MACROD2: variants seen among roughly 807,000 people sequenced by gnomAD.
The protein encoded by MACROD2 is mono-ADP ribosylhydrolase 2.
MACROD2 carries 36 observed loss-of-function variants against 70.4 expected under a neutral mutation model. The observed-to-expected ratio is 0.51, with a 90% CI of 0.39 to 0.68. The LOEUF is 0.68. MACROD2 is among the 30% of genes least tolerant of loss of function. MACROD2 has a pLI of 0.00. For missense variants in MACROD2, 496 were observed against 538.4 expected (o/e 0.92, Z 0.78); for synonymous variants, 172 against 178.8 (o/e 0.96, Z 0.30).
intron 5 of MACROD2, among the ~76,000 whole-genome samples, chr20:15,107,702 T>C (rs185307786): frequency 1.1e-4 from 17 of 152,320 alleles, no homozygotes; most frequent in Non-Finnish European, 2.1e-4. Flanking sequence ...GTTTTTTACT[T>C]CCTTGTTTCC....
At chr20:14,022,131 C>T (rs2053091471) in intron 2 of MACROD2, among the ~76,000 whole-genome samples, 1 of 152,110 alleles carries the variant, frequency 6.6e-6, no homozygotes, top group Non-Finnish European at 1.5e-5. Context: ...TAATTTAACC[C>T]ATATCAATTG....
intron 5 of MACROD2, among the ~76,000 whole-genome samples, chr20:14,789,621 A>G (rs2072424988): frequency 3.3e-5 from 5 of 151,458 alleles, no homozygotes; most frequent in Admixed American, 3.3e-4. Context: ...GATTACAGGA[A>G]GTAGCCACCA....
At chr20:14,526,753 G>GCATACAAACTGA (rs1373063497) in intron 4 of MACROD2, among the ~76,000 whole-genome samples, 1 of 152,206 alleles carries the variant, frequency 6.6e-6, no homozygotes, top group African/African-American at 2.4e-5. Context: ...CTCTAGGGGA[G>GCATACAAACTGA]CATACAAACT....
intron 6 of MACROD2, among the ~76,000 whole-genome samples, chr20:15,419,084 C>G (rs142656521): frequency 2.0e-5 from 3 of 152,090 alleles, no homozygotes; most frequent in African/African-American, 7.2e-5. Flanking sequence ...AGATTTATGA[C>G]GAAGTGGTCC....
intron 13 of MACROD2, among the ~76,000 whole-genome samples, chr20:15,979,970 G>T (rs576989722): frequency 6.6e-6 from 1 of 152,114 alleles, no homozygotes; most frequent in Admixed American, 6.5e-5. Flanking sequence ...CTTAAAATCC[G>T]AGCTCCCCGA....
chr20:14,438,252 C>A (rs2084081805), intron 3 of MACROD2, among the ~76,000 whole-genome samples: 1 of 152,128 alleles, frequency 6.6e-6, no homozygotes. Flanking sequence ...GGATCTCCTC[C>A]CTTCTTTAAG....
At chr20:15,433,441 T>C (rs1273777162) in intron 7 of MACROD2, among the ~76,000 whole-genome samples, 3 of 102,754 alleles carry the variant, frequency 2.9e-5, no homozygotes, top group African/African-American at 3.9e-5. Context: ...AGGAACTCAA[T>C]CCCTTTCACA....
intron 17 of MACROD2, among the ~76,000 whole-genome samples, chr20:16,049,318 A>T (rs1290571109): frequency 6.6e-6 from 1 of 152,196 alleles, no homozygotes; most frequent in Admixed American, 6.5e-5. Context: ...TCTAAAAAAA[A>T]TAAAGAGTAT....
chr20:14,629,283 A>G (rs910425591), intron 4 of MACROD2, among the ~76,000 whole-genome samples: 4 of 152,184 alleles, frequency 2.6e-5, no homozygotes, highest in African/African-American at 9.7e-5. Context: ...ATTCTTTCTC[A>G]CCCCTTGAAG....
At chr20:15,045,643 AC>A (rs1453701276) in intron 5 of MACROD2, among the ~76,000 whole-genome samples, 4 of 151,202 alleles carry the variant, frequency 2.6e-5, no homozygotes, top group Non-Finnish European at 4.4e-5. Flanking sequence ...GAGAAAGGCC[AC>A]CATTACCCAT....
intron 3 of MACROD2, among the ~76,000 whole-genome samples, chr20:14,403,054 TCA>T (rs1184545497): frequency 6.6e-6 from 1 of 152,154 alleles, no homozygotes; most frequent in Admixed American, 6.5e-5. Flanking sequence ...TATTTAAAAC[TCA>T]CAAGATATTT....
chr20:14,441,476 T>G (rs7270227), intron 3 of MACROD2, among the ~76,000 whole-genome samples: 14 of 152,350 alleles, frequency 9.2e-5, no homozygotes, highest in African/African-American at 3.4e-4. Flanking sequence ...ATAACTGATA[T>G]ACATATGTAG....
chr20:14,413,992 G>T (rs1414091091), intron 3 of MACROD2, among the ~76,000 whole-genome samples: 3 of 152,024 alleles, frequency 2.0e-5, no homozygotes, highest in Non-Finnish European at 4.4e-5. Context: ...GATAATAAGG[G>T]AGTCATGCAG....
chr20:14,332,936 A>G (rs1208719212), intron 3 of MACROD2, among the ~76,000 whole-genome samples: 1 of 152,172 alleles, frequency 6.6e-6, no homozygotes, highest in African/African-American at 2.4e-5. Flanking sequence ...AATAAACTAC[A>G]TATACGGTTA....
At chr20:14,146,681 A>G (rs2054947342) in intron 3 of MACROD2, among the ~76,000 whole-genome samples, 1 of 152,232 alleles carries the variant, frequency 6.6e-6, no homozygotes, top group African/African-American at 2.4e-5. Flanking sequence ...GAAATCGTGG[A>G]GAAGTCTTTT....
chr20:14,119,400 C>G (rs756791305), intron 3 of MACROD2, among the ~76,000 whole-genome samples: 1 of 150,206 alleles, frequency 6.7e-6, no homozygotes, highest in Non-Finnish European at 1.5e-5. Flanking sequence ...AACTCCTGAC[C>G]TTCAGGTGAT....
chr20:15,551,083 G>C (rs1010204534), intron 8 of MACROD2, among the ~76,000 whole-genome samples: 8 of 152,202 alleles, frequency 5.3e-5, no homozygotes, highest in Non-Finnish European at 1.0e-4. Flanking sequence ...TTCCATGTGG[G>C]TGTAGGGAAG....
chr20:14,106,840 C>T (rs1480165257), intron 3 of MACROD2, among the ~76,000 whole-genome samples: 1 of 152,168 alleles, frequency 6.6e-6, no homozygotes, highest in Non-Finnish European at 1.5e-5. Context: ...AAGGTGGTAC[C>T]TTTATGAGTC....
intron 5 of MACROD2, among the ~76,000 whole-genome samples, chr20:14,920,959 G>A (rs1600826108): frequency 6.6e-6 from 1 of 152,134 alleles, no homozygotes. Flanking sequence ...AATGTTTAAG[G>A]AATTAAGGGC....
Sources: gnomAD v4.1 joint callset for allele counts (sites outside exome capture counted in the v4.1 genomes callset) on GRCh38, gnomAD v4.1.1 for gene constraint, MANE v1.5 for transcripts, NCBI Gene and HGNC (gene_info 2026-07-23, HGNC 2026-07-21) for gene names.